The following MROH7 variants were observed in gnomAD, a reference collection of about 807,000 sequenced individuals.
MROH7 encodes the protein maestro heat-like repeat-containing protein family member 7.
Under a neutral mutation model 129.2 loss-of-function variants are expected in MROH7, and 113 were observed. That is an observed-to-expected ratio of 0.87 (90% confidence interval 0.75 to 1.02). The LOEUF (loss-of-function observed/expected upper bound fraction) is 1.02. Ranked by LOEUF, MROH7 falls within the 50% of genes least tolerant of loss-of-function variation. The pLI is 0.00. For synonymous variants in MROH7, 655 were observed against 667.9 expected (o/e 0.98, Z 0.30); for missense variants, 1,601 against 1,671.3 (o/e 0.96, Z 0.73).
At chr1:54,687,723 T>C (rs150662192) in intron 15 of MROH7, among the ~76,000 whole-genome samples, 3 of 152,194 alleles carry the variant, frequency 2.0e-5, no homozygotes, top group African/African-American at 7.2e-5. Context: ...CAGCAGTGTA[T>C]GAGTATCTAT....
At chr1:54,693,706 T>C (rs1225132716) in intron 16 of MROH7, among the ~76,000 whole-genome samples, 1 of 152,146 alleles carries the variant, frequency 6.6e-6, no homozygotes, top group Non-Finnish European at 1.5e-5. Context: ...CTGTGACTCC[T>C]GCAGGAAAGC....
chr1:54,665,109 T>C, intron 3 of MROH7, 58 bp from the exon 4 acceptor site: 2 of 1,365,376 alleles, frequency 1.5e-6, no homozygotes, highest in Non-Finnish European at 2.1e-6. Context: ...GATGGCATGA[T>C]GGCATCCTAG....
intron 15 of MROH7, among the ~76,000 whole-genome samples, chr1:54,687,548 T>C (rs1645168288): frequency 6.6e-6 from 1 of 152,254 alleles, no homozygotes; most frequent in Non-Finnish European, 1.5e-5. Context: ...TGTGATTTTA[T>C]ATGTAGGACA....
chr1:54,697,011 G>C (rs1178293120), intron 17 of MROH7, among the ~76,000 whole-genome samples: 1 of 152,068 alleles, frequency 6.6e-6, no homozygotes, highest in Non-Finnish European at 1.5e-5. Context: ...ATATTTCATT[G>C]CATGTACATA....
chr1:54,701,023 G>T, intron 18 of MROH7, 120 bp from the exon 19 acceptor site: 1 of 1,109,866 alleles, frequency 9.0e-7, no homozygotes. Flanking sequence ...GGATGGCATA[G>T]GCCAAGGCCT....
intron 14 of MROH7, among the ~76,000 whole-genome samples, chr1:54,684,907 T>C (rs876191): frequency 0.17 from 25,335 of 152,256 alleles, 2,318 homozygotes; most frequent in East Asian, 0.29. Context: ...TTGTTCTCAT[T>C]CAGCCCATGT....
At chr1:54,647,215 A>G (rs901032256) in intron 1 of MROH7, among the ~76,000 whole-genome samples, 5 of 152,218 alleles carry the variant, frequency 3.3e-5, no homozygotes, top group African/African-American at 1.2e-4. Context: ...GCCAAATCCA[A>G]GATCATGAAG....
chr1:54,683,466 G>T (rs1435244365), intron 14 of MROH7, among the ~76,000 whole-genome samples: 2 of 152,174 alleles, frequency 1.3e-5, no homozygotes, highest in East Asian at 3.9e-4. Context: ...GTCCATGCCA[G>T]TTGGTCCATA....
At chr1:54,704,793 C>CTTTTTTTTTTTTTTT (rs750428757) in intron 21 of MROH7, among the ~76,000 whole-genome samples, 1 of 67,828 alleles carries the variant, frequency 1.5e-5, no homozygotes, top group African/African-American at 6.5e-5. Flanking sequence ...CAATGTAGCT[C>CTTTTTTTTTTTTTTT]TTTTTTTTTT....
Position 54,673,770 on chromosome 1 carries a change from G to A in MROH7, c.1765G>A (p.Val589Met), listed in dbSNP as rs1644939292. 1 of 1,614,152 alleles carries A rather than the reference G, an allele frequency of 6.2e-7. No homozygotes were observed. Reference protein sequence around the residue: ...RARAVNTNVSVLNHMLLTLPF... With the variant: ...RARAVNTNVSMLNHMLLTLPF... ...ACGGGCTGTGAACACCAATGTCTCTGTGTTGAACCACATGCTTCTAACTCT... is the reference window on the plus strand; with the variant it reads ...ACGGGCTGTGAACACCAATGTCTCTATGTTGAACCACATGCTTCTAACTCT... The change falls in exon 9 of 24, where the codon GTG becomes ATG. Residue 589 changes from valine to methionine, a missense_variant. Coordinates refer to ENST00000421030, the MANE Select transcript of MROH7 (RefSeq NM_001039464.4).
intron 17 of MROH7, chr1:54,697,991 C>G (rs1645349688): frequency 3.1e-6 from 1 of 327,512 alleles, no homozygotes; most frequent in South Asian, 1.0e-4. Context: ...GGCCCAGGTT[C>G]AGTCTTTTCC....
chr1:54,644,075 C>T (rs1557684566), intron 1 of MROH7, among the ~76,000 whole-genome samples: 1 of 152,026 alleles, frequency 6.6e-6, no homozygotes, highest in South Asian at 2.1e-4. Context: ...CAGCAGTTTT[C>T]TGGATCTGTA....
intron 3 of MROH7, among the ~76,000 whole-genome samples, chr1:54,654,862 A>G (rs191460108): frequency 6.6e-6 from 1 of 152,192 alleles, no homozygotes; most frequent in African/African-American, 2.4e-5. Context: ...CCTGATTTGT[A>G]GGATTTCTGT....
intron 15 of MROH7, among the ~76,000 whole-genome samples, chr1:54,689,133 T>C (rs979300923): frequency 2.0e-5 from 3 of 152,164 alleles, no homozygotes; most frequent in African/African-American, 7.2e-5. Context: ...GCAGATATAG[T>C]TAAGGATCTC....
intron 17 of MROH7, chr1:54,697,609 C>A: frequency 1.4e-6 from 1 of 696,544 alleles, no homozygotes; most frequent in Non-Finnish European, 2.6e-6. Context: ...GTGCCAAACA[C>A]TTGTATTGAC....
chr1:54,676,000 T>G (rs1401378315), intron 10 of MROH7, among the ~76,000 whole-genome samples: 3 of 152,028 alleles, frequency 2.0e-5, no homozygotes, highest in African/African-American at 7.2e-5. Context: ...ATAGACCCAA[T>G]TAGGGTTGCC....
In MROH7 at chr1:54,653,659, A is replaced by G. The variant is rs1481307616; in HGVS notation, c.733A>G (p.Asn245Asp). 4 of 1,614,010 alleles carry G rather than the reference A, an allele frequency of 2.5e-6. No individual in the cohort carries two copies. Among genetic ancestry groups the G allele is most frequent in the Non-Finnish European group, 3.4e-6 (4 of 1,180,022 alleles). Residue 245 changes from asparagine to aspartate, a missense_variant, in exon 3 of 24, where the codon AAT (asparagine) becomes GAT (aspartate). Physicochemically the swap from Asn to Asp is conservative, Grantham distance 23. Coordinates refer to ENST00000421030, the MANE Select transcript of MROH7 (RefSeq NM_001039464.4). ...DSHGTLIPDT[N>D]ETITLASHNI... ...TCATGGGACCCTAATCCCAGACACAAATGAGACCATCACTTTGGCTTCACA... is the reference window on the plus strand; with the variant it reads ...TCATGGGACCCTAATCCCAGACACAGATGAGACCATCACTTTGGCTTCACA...
Position 54,700,469 on chromosome 1 carries a change from G to T in MROH7, c.3105+8G>T. ...GCCCGCAGGTCTGAGAAGGTGAGTG[G>T]GAGGCAGAGGAAAGCCTGGCCCAGC... On this transcript the variant is annotated splice_region_variant and intron_variant, in intron 18 of 23. Transcript: ENST00000421030. 2 of 1,570,400 alleles carry T rather than the reference G, an allele frequency of 1.3e-6. No individual in the cohort carries two copies. The highest frequency in any genetic ancestry group is 1.7e-6 in the Non-Finnish European group (2 of 1,156,790).
At chr1:54,649,332 G>C (rs138230775) in intron 1 of MROH7, among the ~76,000 whole-genome samples, 165 of 152,376 alleles carry the variant, frequency 1.1e-3, no homozygotes, top group African/African-American at 3.9e-3. Context: ...CAGGATTGCA[G>C]GGCAAAGGCC....
Sources: allele counts gnomAD v4.1 joint callset (sites outside exome capture counted in the v4.1 genomes callset), GRCh38; gene constraint gnomAD v4.1.1; transcripts MANE v1.5; gene names NCBI Gene and HGNC (gene_info 2026-07-23, HGNC 2026-07-21).